Variants in YES1 observed in about 807,000 individuals in gnomAD.
YES1 encodes the protein YES proto-oncogene 1, Src family tyrosine kinase, also known as tyrosine-protein kinase Yes.
In YES1, 39 loss-of-function variants were observed where a neutral mutation model predicts 70.4. The observed-to-expected ratio is 0.55, with a 90% confidence interval of 0.43 to 0.72. YES1 has a LOEUF of 0.72. Among genes scored for constraint, YES1 ranks in the 30% least tolerant of loss-of-function variants. The probability of loss-of-function intolerance (pLI) is 0.00; values close to 1 mark genes in which losing one functional copy is unlikely to be tolerated. For missense variants in YES1, 495 were observed against 644.8 expected (o/e 0.77, Z 2.52); for synonymous variants, 198 against 218.6 (o/e 0.91, Z 0.83).
At chr18:728,833 A>AT (rs1429739927) in intron 11 of YES1, among the ~76,000 whole-genome samples, 1 of 152,088 alleles carries the variant, frequency 6.6e-6, no homozygotes, top group Non-Finnish European at 1.5e-5. Context: ...TGCATTTCGG[A>AT]TTTTTGAATT....
chr18:772,817 A>T (rs925890246), intron 1 of YES1, among the ~76,000 whole-genome samples: 1 of 152,108 alleles, frequency 6.6e-6, no homozygotes, highest in Non-Finnish European at 1.5e-5. Context: ...CATAATTTCT[A>T]CTTACTCATA....
At chr18:746,456 C>T (rs962777552) in intron 4 of YES1, among the ~76,000 whole-genome samples, 2 of 152,014 alleles carry the variant, frequency 1.3e-5, no homozygotes, top group African/African-American at 4.8e-5. Flanking sequence ...CATATCATAC[C>T]CAAATTATTA....
Position 757,322 on chromosome 18 carries a change from T to A in YES1, c.-8-487A>T, listed in dbSNP as rs553610991. ...ATTGAGACCATCCTGGCTAACACGG[T>A]GAAACCCCGCCTCTACTAAAAATGC... On this transcript the variant is annotated intron_variant, in intron 1 of 11. Coordinates refer to ENST00000314574, the MANE Select transcript of YES1 (RefSeq NM_005433.4). Among the ~76,000 whole-genome samples the A allele has an allele frequency of 4.6e-3, 687 of 150,414 alleles. 3 individuals carry two copies. The highest frequency in any genetic ancestry group is 8.1e-3 in the Non-Finnish European group (545 of 67,698).
chr18:783,640 GAGTTTCACT>G (rs1315816341), intron 1 of YES1, among the ~76,000 whole-genome samples: 1 of 144,688 alleles, frequency 6.9e-6, no homozygotes, highest in Non-Finnish European at 1.5e-5. Flanking sequence ...TTTTGAAACA[GAGTTTCACT>G]CCTGTTGCCC....
At chr18:765,245 C>T (rs1395706733) in intron 1 of YES1, among the ~76,000 whole-genome samples, 3 of 83,308 alleles carry the variant, frequency 3.6e-5, no homozygotes, top group African/African-American at 4.5e-5. Context: ...GAAAGAGTTA[C>T]AACTATATAT....
At chr18:764,102 A>T (rs886788275) in intron 1 of YES1, among the ~76,000 whole-genome samples, 3 of 142,934 alleles carry the variant, frequency 2.1e-5, no homozygotes, top group Non-Finnish European at 4.6e-5. Flanking sequence ...CCTGGGCGAC[A>T]GAGCGAGACT....
chr18:733,926 A>C (rs1025509152), intron 10 of YES1, among the ~76,000 whole-genome samples: 11 of 152,030 alleles, frequency 7.2e-5, no homozygotes, highest in African/African-American at 2.7e-4. Context: ...AGTTCTTTAG[A>C]TATTTAGACA....
intron 1 of YES1, among the ~76,000 whole-genome samples, chr18:808,884 C>A (rs372681732): frequency 6.6e-6 from 1 of 152,200 alleles, no homozygotes; most frequent in African/African-American, 2.4e-5. Flanking sequence ...TGTGAATCTT[C>A]ATAAACTTTA....
In YES1 at chr18:722,835, G is replaced by T. The variant is rs889821218; in HGVS notation, c.*1589C>A. ...AGGCTGGGCGCGGTGGCTCACGCCT[G>T]TAATCCCAGCACTTTGGGAGGCCGA... On this transcript the variant is annotated 3_prime_UTR_variant, in exon 12 of 12. Coordinates refer to ENST00000314574, the MANE Select transcript of YES1 (RefSeq NM_005433.4). 6.6e-6 allele frequency: 1 copy of T among 152,250 alleles called. No homozygotes were observed. The highest frequency in any genetic ancestry group is 1.5e-5 in the Non-Finnish European group (1 of 68,070). 9.4% of individuals were successfully genotyped at this position (152,250 alleles called of 1,614,324 possible).
At position 723,712 on chromosome 18, in the gene YES1, T is replaced by C. The variant is rs933000190; in HGVS notation, c.*712A>G. ...TAACTCACTTTCTAGTTACCTTCAT[T>C]ATTCTAAGTCAAACTCTTCAGAAAA... On this transcript the variant is annotated 3_prime_UTR_variant, in exon 12 of 12. Coordinates refer to ENST00000314574, the MANE Select transcript of YES1 (RefSeq NM_005433.4). 4 of 152,666 alleles carry C rather than the reference T, an allele frequency of 2.6e-5. No homozygotes were observed. Among genetic ancestry groups the C allele is most frequent in the East Asian group, 1.9e-4 (1 of 5,206 alleles). 9.5% of individuals were successfully genotyped at this position (152,666 alleles called of 1,614,324 possible). A position where few individuals can be genotyped will look rare whatever the true frequency, so the allele number is the denominator to read the frequency against.
intron 1 of YES1, among the ~76,000 whole-genome samples, chr18:787,434 G>A (rs1598935843): frequency 6.6e-6 from 1 of 152,032 alleles, no homozygotes; most frequent in African/African-American, 2.4e-5. Flanking sequence ...GTTGGGCTGG[G>A]CGCGGTGGCT....
intron 11 of YES1, among the ~76,000 whole-genome samples, chr18:730,331 G>T (rs2080073269): frequency 6.7e-6 from 1 of 150,138 alleles, no homozygotes; most frequent in Non-Finnish European, 1.5e-5. Context: ...AACTGACCAA[G>T]GACCCAAGAG....
At chr18:760,487 AC>A (rs1904534912) in intron 1 of YES1, among the ~76,000 whole-genome samples, 1 of 151,984 alleles carries the variant, frequency 6.6e-6, no homozygotes, top group African/African-American at 2.4e-5. Context: ...CAAACAAACA[AC>A]AACAACAACA....
In YES1 at chr18:724,276, G is replaced by A; in HGVS notation, c.*148C>T. ...GAGTTTAATACTTGGGGAAAAAAAA[G>A]TGGTTTTGTGCAACCATATCTGGGA... On this transcript the variant is annotated 3_prime_UTR_variant, in exon 12 of 12. Transcript: ENST00000314574. The A allele has an allele frequency of 1.4e-6, 1 of 712,752 alleles. No individual in the cohort carries two copies. The highest frequency in any genetic ancestry group is 2.3e-6 in the Non-Finnish European group (1 of 435,886). The allele number at this position is 712,752 out of a possible 1,614,324, so 44.2% of individuals were successfully genotyped here. A position where few individuals can be genotyped will look rare whatever the true frequency, so the allele number is the denominator to read the frequency against.
intron 1 of YES1, among the ~76,000 whole-genome samples, chr18:801,497 A>G (rs1906819876): frequency 1.3e-5 from 2 of 152,224 alleles, no homozygotes; most frequent in African/African-American, 4.8e-5. Context: ...AGGGCAAATT[A>G]GAAAATGGCT....
At chr18:773,913 C>G (rs921301677) in intron 1 of YES1, among the ~76,000 whole-genome samples, 20 of 151,448 alleles carry the variant, frequency 1.3e-4, no homozygotes, top group Non-Finnish European at 2.9e-4. Flanking sequence ...CTCACTGCAA[C>G]CTCCACCTCC....
intron 1 of YES1, among the ~76,000 whole-genome samples, chr18:771,257 C>T (rs1344552460): frequency 2.0e-5 from 3 of 151,984 alleles, no homozygotes; most frequent in Non-Finnish European, 4.4e-5. Context: ...ATCCCAGCTA[C>T]CTGGGAAGCT....
chr18:739,440 A>C (rs1316040170), intron 9 of YES1: 1 of 221,454 alleles, frequency 4.5e-6, no homozygotes, highest in African/African-American at 2.3e-5. Context: ...CTACAAAAAA[A>C]ATAATTTTTT....
intron 1 of YES1, among the ~76,000 whole-genome samples, chr18:758,373 A>T (rs1308292077): frequency 6.6e-6 from 1 of 152,134 alleles, no homozygotes; most frequent in East Asian, 1.9e-4. Flanking sequence ...CTGTCAATGG[A>T]AACACCCCTA....
Sources: allele counts gnomAD v4.1 joint callset (sites outside exome capture counted in the v4.1 genomes callset), GRCh38; gene constraint gnomAD v4.1.1; transcripts MANE v1.5; gene names NCBI Gene and HGNC (gene_info 2026-07-23, HGNC 2026-07-21).